The following SMG6 variants were observed in gnomAD, a reference collection of about 807,000 sequenced individuals.
SMG6 encodes the protein SMG6 nonsense mediated mRNA decay factor.
In SMG6, 66 loss-of-function variants were observed where a neutral mutation model predicts 142.2. The ratio of observed to expected loss-of-function variants is 0.46; its 90% CI spans 0.38 to 0.57. The LOEUF (loss-of-function observed/expected upper bound fraction) is 0.57. Ranked by LOEUF, SMG6 falls within the 20% of genes least tolerant of loss-of-function variation. The pLI, the probability that SMG6 is intolerant of heterozygous loss-of-function variation, is 0.00. For missense variants in SMG6, 1,793 were observed against 1,832.0 expected, an observed-to-expected ratio of 0.98 and a Z score of 0.39; for synonymous variants, 779 against 702.4, an observed-to-expected ratio of 1.11 and a Z score of -1.72.
rs891515230 is a variant in SMG6 at position 2,298,071 on chromosome 17, T to C, written c.1848-16A>G. ...CAGTTCAGCTCTGGAATAAAATACA[T>C]GCAACTTCCAGCTCCAAATACACCA... On this transcript the variant is annotated splice_polypyrimidine_tract_variant and intron_variant, in intron 2 of 18. Transcript: ENST00000263073. 2 of 1,581,602 alleles carry C rather than the reference T, an allele frequency of 1.3e-6. No homozygotes were observed. Among genetic ancestry groups the C allele is most frequent in the Non-Finnish European group, 8.6e-7 (1 of 1,168,452 alleles).
chr17:2,273,796 C>CAA (rs113762228), intron 8 of SMG6, among the ~76,000 whole-genome samples: 1 of 137,242 alleles, frequency 7.3e-6, no homozygotes, highest in Non-Finnish European at 1.6e-5. Context: ...GACTGTGTCT[C>CAA]AAAAAAAAAA....
At chr17:2,193,493 G>A (rs191024279) in intron 10 of SMG6, among the ~76,000 whole-genome samples, 40 of 152,234 alleles carry the variant, frequency 2.6e-4, no homozygotes, top group Admixed American at 1.7e-3. Context: ...AGGAGCCCTC[G>A]CTGTCAGTGT....
intron 13 of SMG6, among the ~76,000 whole-genome samples, chr17:2,130,363 G>C (rs2070078597): frequency 6.6e-6 from 1 of 151,338 alleles, no homozygotes; most frequent in South Asian, 2.1e-4. Context: ...TCTGTGCGAG[G>C]GTTTTATGGG....
intron 1 of SMG6, among the ~76,000 whole-genome samples, chr17:2,302,096 T>C (rs1394204779): frequency 2.0e-5 from 3 of 150,184 alleles, no homozygotes; most frequent in African/African-American, 2.5e-5. Context: ...CTATAACGTA[T>C]ACAAAAAATA....
intron 8 of SMG6, among the ~76,000 whole-genome samples, chr17:2,274,579 A>G (rs1045981709): frequency 6.6e-6 from 1 of 152,216 alleles, no homozygotes; most frequent in Non-Finnish European, 1.5e-5. Context: ...TTCTATTTGG[A>G]TAACAGAGAT....
intron 10 of SMG6, among the ~76,000 whole-genome samples, chr17:2,216,370 A>G (rs1034531825): frequency 5.3e-5 from 8 of 152,006 alleles, no homozygotes; most frequent in East Asian, 1.9e-4. Flanking sequence ...AAAGGGGGGG[A>G]AAAAGTAGGC....
chr17:2,081,453 C>T (rs2068422042), intron 15 of SMG6, among the ~76,000 whole-genome samples: 1 of 152,172 alleles, frequency 6.6e-6, no homozygotes, highest in African/African-American at 2.4e-5. Context: ...AGTAAGAATC[C>T]ACAGCCTCTC....
rs569051255 is a variant in SMG6 at position 2,107,202 on chromosome 17, T to C, written c.3358-21301A>G. On this transcript the variant is annotated intron_variant, in intron 13 of 18. Coordinates refer to ENST00000263073, the MANE Select transcript of SMG6 (RefSeq NM_017575.5). ...GCATGTGAAGTTCCCTGTCTTCCCA[T>C]GGGTGTGCTGACAGCTGGAAATCCT... Among the ~76,000 whole-genome samples the C allele has an allele frequency of 3.3e-5, 5 of 152,222 alleles. No individual in the cohort carries two copies. In the South Asian group the frequency reaches 8.3e-4, roughly 25 times the overall value.
chr17:2,200,231 T>C (rs375171573), intron 10 of SMG6, among the ~76,000 whole-genome samples: 43 of 152,114 alleles, frequency 2.8e-4, no homozygotes, highest in East Asian at 2.5e-3. Context: ...AAAAAAAACT[T>C]TTTGTTTTTT....
At chr17:2,144,049 C>CGG (rs2070578482) in intron 13 of SMG6, among the ~76,000 whole-genome samples, 4 of 65,102 alleles carry the variant, frequency 6.1e-5, no homozygotes, top group South Asian at 1.3e-3. Flanking sequence ...ACCACGGCCG[C>CGG]TTTTTTTTTT....
At chr17:2,297,463 T>C in intron 3 of SMG6, 110 bp from the exon 4 acceptor site, 1 of 775,064 alleles carries the variant, frequency 1.3e-6, no homozygotes. Flanking sequence ...TCAGACATCC[T>C]ATGAAAAGGG....
Position 2,065,661 on chromosome 17 carries a change from C to A in SMG6, c.3854G>T (p.Gly1285Val). Residue 1285 changes from glycine to valine, a missense_variant, in exon 17 of 19, where the codon GGC becomes GTC. Transcript: ENST00000263073. ...GTCTGTCTCCTGCCCCTTGGCCAGG[C>A]CGTCCAGCTCATTGATCACTGATGA... ...VPLIVINELD[G>V]LAKGQETDHR... The A allele has an allele frequency of 6.2e-7, 1 of 1,612,930 alleles. No homozygotes were observed. Among genetic ancestry groups the A allele is most frequent in the Non-Finnish European group, 8.5e-7 (1 of 1,179,914 alleles).
rs79737661 is a variant in SMG6 at position 2,070,853 on chromosome 17, G to C, written c.3682-1922C>G. On this transcript the variant is annotated intron_variant, in intron 15 of 18. Transcript: ENST00000263073. ...CTCTACATAGGGCTGCCACCTAGAG[G>C]GTGACAGGCATTCCAACAAACCTGG... is the stretch of plus-strand genomic sequence containing the variant. 6.8e-3 allele frequency among the ~76,000 whole-genome samples: 1,043 copies of C among 152,300 alleles called. 10 individuals are homozygous for C. Among genetic ancestry groups the C allele is most frequent in the Middle Eastern group, 0.031 (9 of 292 alleles).
At chr17:2,148,325 G>A (rs80291892) in intron 13 of SMG6, among the ~76,000 whole-genome samples, 1,538 of 152,274 alleles carry the variant, frequency 0.01, 31 homozygotes, top group African/African-American at 0.034. Flanking sequence ...GTACATTTAC[G>A]TTCACAACAG....
chr17:2,148,300 C>G, intron 13 of SMG6, among the ~76,000 whole-genome samples: 1 of 152,212 alleles, frequency 6.6e-6, no homozygotes, highest in Non-Finnish European at 1.5e-5. Flanking sequence ...AAAGCAGGAT[C>G]TCAAAGAGAT....
In SMG6 at chr17:2,201,592, T is replaced by C. The variant is rs553350883; in HGVS notation, c.2870-13077A>G. Among the ~76,000 whole-genome samples, 122 of 147,644 alleles carry C rather than the reference T, an allele frequency of 8.3e-4. 3 individuals carry two copies. Among genetic ancestry groups the C allele is most frequent in the Admixed American group, 7.9e-3 (115 of 14,598 alleles). Reference sequence around the variant, plus strand: ...CTGTAATGCCAACTACGCAGGAGAATAGCTTGAACCTGGGAGGTGGAGGTT... The same window carrying C: ...CTGTAATGCCAACTACGCAGGAGAACAGCTTGAACCTGGGAGGTGGAGGTT... On this transcript the variant is annotated intron_variant, in intron 10 of 18. Transcript: ENST00000263073.
chr17:2,093,569 T>C (rs1306594835), intron 13 of SMG6, among the ~76,000 whole-genome samples: 4 of 152,094 alleles, frequency 2.6e-5, no homozygotes, highest in African/African-American at 4.8e-5. Flanking sequence ...CTGCCTAACA[T>C]GGCTGAGCTG....
At chr17:2,277,161 A>AT (rs1487135491) in intron 8 of SMG6, among the ~76,000 whole-genome samples, 14 of 65,154 alleles carry the variant, frequency 2.1e-4, no homozygotes, top group African/African-American at 4.1e-4. Context: ...TTATTTATTT[A>AT]TTTATTTTTT....
intron 10 of SMG6, among the ~76,000 whole-genome samples, chr17:2,196,288 G>A (rs1013686072): frequency 2.6e-5 from 4 of 152,124 alleles, no homozygotes; most frequent in African/African-American, 4.8e-5. Flanking sequence ...TGGGCGTGGC[G>A]GCGCGTGCCT....
Sources: gnomAD v4.1 joint callset for allele counts (sites outside exome capture counted in the v4.1 genomes callset) on GRCh38, gnomAD v4.1.1 for gene constraint, MANE v1.5 for transcripts, NCBI Gene and HGNC (gene_info 2026-07-23, HGNC 2026-07-21) for gene names.